Variants in MIB2 observed in about 807,000 individuals in gnomAD.
The protein encoded by MIB2 is E3 ubiquitin-protein ligase MIB2.
MIB2 carries 78 observed loss-of-function variants against 96.6 expected under a neutral mutation model. The ratio of observed to expected loss-of-function variants is 0.81; its 90% CI spans 0.67 to 0.97. The LOEUF is 0.97. Among genes scored for constraint, MIB2 ranks in the 50% least tolerant of loss-of-function variants. The pLI, the probability that MIB2 is intolerant of heterozygous loss-of-function variation, is 0.00. For synonymous variants in MIB2, 820 were observed against 629.5 expected (o/e 1.30, Z -4.53); for missense variants, 1,543 against 1,424.0 (o/e 1.08, Z -1.35).
intron 2 of MIB2, among the ~76,000 whole-genome samples, chr1:1,622,400 G>A (rs1198032552): frequency 6.6e-6 from 1 of 152,122 alleles, no homozygotes; most frequent in East Asian, 1.9e-4. Context: ...GTGGAGAGAG[G>A]CAGCCCACGG....
At position 1,615,725 on chromosome 1, in the gene MIB2, C is replaced by T. The variant is rs1213707262; in HGVS notation, c.-130+92C>T. The T allele has an allele frequency of 3.4e-6, 5 of 1,491,568 alleles. No homozygotes were observed. In the Admixed American group the frequency reaches 1.2e-4, roughly 35 times the overall value. 92.4% of individuals were successfully genotyped at this position (1,491,568 alleles called of 1,614,324 possible). A position where few individuals can be genotyped will look rare whatever the true frequency, so the allele number is the denominator to read the frequency against. ...CAGAACGCGAGCGCCGTCCGGTTCCCGCTCCCGCTGGCCCAGCAGCCCCGG... is the reference window on the plus strand; with the variant it reads ...CAGAACGCGAGCGCCGTCCGGTTCCTGCTCCCGCTGGCCCAGCAGCCCCGG... On this transcript the variant is annotated intron_variant, in intron 1 of 19. Transcript: ENST00000355826.
At position 1,628,354 on chromosome 1, in the gene MIB2, T is replaced by C. The variant is rs2100551362; in HGVS notation, c.1923T>C (p.Ala641=). The C allele has an allele frequency of 1.2e-6, 2 of 1,612,784 alleles. No homozygotes were observed. The highest frequency in any genetic ancestry group is 2.2e-5 in the East Asian group (1 of 44,870). Reference sequence around the variant, plus strand: ...ACGGCTTCACGGCGCTGCATCTGGCTGCCCTCAACAACCACCGCGAGGTGG... The same window carrying C: ...ACGGCTTCACGGCGCTGCATCTGGCCGCCCTCAACAACCACCGCGAGGTGG... ...KEDGFTALHL[A]ALNNHREVAQ... is the part of the protein sequence containing the mutation. Residue 641 remains alanine, a synonymous_variant, in exon 15 of 20, where the codon GCT becomes GCC. Coordinates refer to ENST00000355826, the MANE Select transcript of MIB2 (RefSeq NM_001170687.4).
At chr1:1,619,433 G>A (rs180992417) in intron 2 of MIB2, among the ~76,000 whole-genome samples, 1 of 152,348 alleles carries the variant, frequency 6.6e-6, no homozygotes, top group East Asian at 1.9e-4. Context: ...TCCTGAGCCT[G>A]GGATCCACGC....
rs753735298 is a variant in MIB2, at chr1:1,628,316, G to A, written c.1885G>A (p.Ala629Thr). Residue 629 changes from alanine to threonine, a missense_variant, in exon 15 of 20, where the codon GCC becomes ACC. By Grantham distance (58) the Ala-to-Thr change is moderately conservative. Coordinates refer to ENST00000355826, the MANE Select transcript of MIB2 (RefSeq NM_001170687.4). ...ILARARQLVDAKKEDGFTALH... is the reference protein window; with the variant it reads ...ILARARQLVDTKKEDGFTALH... ...GGCTCGGGCGCGGCAGCTGGTGGAC[G>A]CCAAGAAGGAGGACGGCTTCACGGC... 5.0e-6 allele frequency: 8 copies of A among 1,612,860 alleles called. No individual in the cohort carries two copies. In the South Asian group the frequency reaches 7.7e-5, roughly 15 times the overall value.
chr1:1,615,738 C>T (rs1412908496), intron 1 of MIB2, 105 bp downstream of exon 1: 1 of 1,480,162 alleles, frequency 6.8e-7, no homozygotes, highest in East Asian at 2.8e-5. Flanking sequence ...TCCCGCTGGC[C>T]CAGCAGCCCC....
Position 1,629,184 on chromosome 1 carries a change from G to A in MIB2, c.2254G>A (p.Val752Ile). ...GSAELTVGAA[V>I]ACFLALEGAD... ...CGCGGAGCTGACGGTGGGCGCGGCG[G>A]TCGCCTGCTTCCTGGCGCTGGAGGG... The change falls in exon 17 of 20, where the codon GTC (valine) becomes ATC (isoleucine). Residue 752 changes from valine to isoleucine, a missense_variant. Transcript: ENST00000355826. 6.6e-7 allele frequency: 1 copy of A among 1,509,710 alleles called. No homozygotes were observed. The highest frequency in any genetic ancestry group is 8.8e-7 in the Non-Finnish European group (1 of 1,137,238). The allele number at this position is 1,509,710 out of a possible 1,614,324, so 93.5% of individuals were successfully genotyped here. A position where few individuals can be genotyped will look rare whatever the true frequency, so the allele number is the denominator to read the frequency against.
Position 1,629,672 on chromosome 1 carries a change from GC to G in MIB2, c.2599del (p.Gln867ArgfsTer109). ...CGCAGGATGAAGAAGTGCATCAGGT[GC>G]CAGGTGGTCGTCAGCAAGAAACTGC... The part of the protein sequence containing the change: ...CARRMKKCIR[C>X]QVVVSKKLRP... On this transcript the variant is annotated frameshift_variant, in exon 19 of 20. Coordinates refer to ENST00000355826, the MANE Select transcript of MIB2 (RefSeq NM_001170687.4). LOFTEE classifies it high-confidence loss of function. The G allele has an allele frequency of 6.2e-7, 1 of 1,600,624 alleles. No individual in the cohort carries two copies. The highest frequency in any genetic ancestry group is 8.5e-7 in the Non-Finnish European group (1 of 1,173,486).
At chr1:1,622,108 C>G (rs746437788) in intron 2 of MIB2, among the ~76,000 whole-genome samples, 1 of 152,216 alleles carries the variant, frequency 6.6e-6, no homozygotes, top group Non-Finnish European at 1.5e-5. Flanking sequence ...GCAGGGCCCC[C>G]TCCCATCCTC....
In MIB2 at chr1:1,629,578, G is replaced by A. The variant is rs755295319; in HGVS notation, c.2563+12G>A. On this transcript the variant is annotated intron_variant, in intron 18 of 19. Coordinates refer to ENST00000355826, the MANE Select transcript of MIB2 (RefSeq NM_001170687.4). ...CACCGTGTGTGAGGGTGAGTGGGGG[G>A]CCCCGGGGTGGGGAGGCCCGGCTAG... 9 of 1,507,762 alleles carry A rather than the reference G, an allele frequency of 6.0e-6. No homozygotes were observed. The highest frequency in any genetic ancestry group is 3.9e-5 in the Admixed American group (2 of 51,316). The allele number at this position is 1,507,762 out of a possible 1,614,324, so 93.4% of individuals were successfully genotyped here.
At chr1:1,629,834 G>A in intron 19 of MIB2, 130 bp downstream of exon 19, 1 of 1,033,460 alleles carries the variant, frequency 9.7e-7, no homozygotes, top group East Asian at 3.1e-5. Context: ...CCCTCCCAAG[G>A]CTCACACCCG....
intron 2 of MIB2, 163 bp downstream of exon 2, chr1:1,616,777 T>C (rs1643755397): frequency 1.7e-6 from 1 of 582,408 alleles, no homozygotes; most frequent in Non-Finnish European, 3.0e-6. Flanking sequence ...TCGGAACCCA[T>C]GGAGGAAGAA....
chr1:1,615,728 T>A (rs1643552908), intron 1 of MIB2, 95 bp downstream of exon 1: 1 of 1,489,878 alleles, frequency 6.7e-7, no homozygotes, highest in Non-Finnish European at 8.9e-7. Flanking sequence ...CGGTTCCCGC[T>A]CCCGCTGGCC....
chr1:1,630,272 A>T lies in MIB2; in HGVS notation c.2630-20A>T. On this transcript the variant is annotated intron_variant, in intron 19 of 19. Transcript: ENST00000355826. ...TCCCCCACCCGGCCTCCCAGCTCAC[A>T]CCCGTCCCCCACCCCGCAGACGGCT... 2 of 1,050,352 alleles carry T rather than the reference A, an allele frequency of 1.9e-6. No individual in the cohort carries two copies. The highest frequency in any genetic ancestry group is 1.2e-6 in the Non-Finnish European group (1 of 817,982). 65.1% of individuals were successfully genotyped at this position (1,050,352 alleles called of 1,614,324 possible).
chr1:1,615,466 G>GGGGCGCTCCGGCGGGGGC, upstream of MIB2: 4 of 1,518,140 alleles, frequency 2.6e-6, no homozygotes, highest in Non-Finnish European at 3.5e-6. Context: ...GGCCATGGCG[G>GGGGCGCTCCGGCGGGGGC]GGGCGCTCCG....
chr1:1,627,849 C>T lies in MIB2; in HGVS notation c.1680+20C>T. ...CTGCCCGTGAGTGCTGCTCCCTGGC[C>T]TGGGTGCCCCCTGCCCGTGAGTGCT... On this transcript the variant is annotated intron_variant, in intron 13 of 19. Transcript: ENST00000355826. The T allele has an allele frequency of 2.5e-6, 4 of 1,590,714 alleles. No homozygotes were observed. Among genetic ancestry groups the T allele is most frequent in the Non-Finnish European group, 3.4e-6 (4 of 1,178,654 alleles).
At position 1,629,580 on chromosome 1, in the gene MIB2, C is replaced by T. The variant is rs1235030417; in HGVS notation, c.2563+14C>T. The T allele has an allele frequency of 7.1e-6, 11 of 1,559,052 alleles. No individual in the cohort carries two copies. In the South Asian group the frequency reaches 7.1e-5, roughly 10 times the overall value. The stretch of plus-strand genomic sequence containing the variant: ...CCGTGTGTGAGGGTGAGTGGGGGGC[C>T]CCGGGGTGGGGAGGCCCGGCTAGTA... On this transcript the variant is annotated intron_variant, in intron 18 of 19. Coordinates refer to ENST00000355826, the MANE Select transcript of MIB2 (RefSeq NM_001170687.4).
intron 4 of MIB2, 76 bp from the exon 5 acceptor site, chr1:1,624,719 C>G: frequency 7.3e-7 from 1 of 1,369,334 alleles, no homozygotes; most frequent in Non-Finnish European, 1.0e-6. Flanking sequence ...TCCACTGCAT[C>G]GCTCTCCCAA....
At chr1:1,616,454 G>C in intron 1 of MIB2, 54 bp from the exon 2 acceptor site, 2 of 1,316,664 alleles carry the variant, frequency 1.5e-6, no homozygotes, top group Non-Finnish European at 2.0e-6. Context: ...ACAGGCGACC[G>C]AGCCGCGGGT....
In MIB2 at chr1:1,623,946, G is replaced by A. The variant is rs1201454218; in HGVS notation, c.419+1G>A. On this transcript the variant is annotated splice_donor_variant, in intron 4 of 19. Transcript: ENST00000355826. LOFTEE classifies it high-confidence loss of function. ...GCTACGAGACCGCTCACTCGCGCCC[G>A]TGAGTCCCGGGCCGCACCGGCTCCT... The A allele has an allele frequency of 4.4e-6, 7 of 1,603,828 alleles. No homozygotes were observed. Among genetic ancestry groups the A allele is most frequent in the Non-Finnish European group, 6.0e-6 (7 of 1,173,570 alleles).
Sources: gnomAD v4.1 joint callset for allele counts (sites outside exome capture counted in the v4.1 genomes callset) on GRCh38, gnomAD v4.1.1 for gene constraint, MANE v1.5 for transcripts, NCBI Gene and HGNC (gene_info 2026-07-23, HGNC 2026-07-21) for gene names.